MAD1L1: variants seen among roughly 807,000 people sequenced by gnomAD.
MAD1L1 encodes the protein mitotic arrest deficient 1 like 1, also known as mitotic spindle assembly checkpoint protein MAD1.
In MAD1L1, 95 loss-of-function variants were observed where a neutral mutation model predicts 96.9. The observed-to-expected ratio is 0.98, with a 90% CI of 0.83 to 1.16. The LOEUF (loss-of-function observed/expected upper bound fraction) is 1.16. Ranked by LOEUF, MAD1L1 falls within the 50% of genes most tolerant of loss-of-function variation. The pLI is 0.00. For synonymous variants in MAD1L1, 473 were observed against 396.6 expected, an observed-to-expected ratio of 1.19 and a Z score of -2.29; for missense variants, 1,007 against 954.4, an observed-to-expected ratio of 1.06 and a Z score of -0.73.
intron 10 of MAD1L1, among the ~76,000 whole-genome samples, chr7:2,151,634 C>G (rs1789575842): frequency 6.6e-6 from 1 of 152,264 alleles, no homozygotes; most frequent in Non-Finnish European, 1.5e-5. Context: ...ACGAACCCAC[C>G]CAGCAAAGCT....
At chr7:2,144,109 C>A (rs1337507769) in intron 11 of MAD1L1, among the ~76,000 whole-genome samples, 1 of 152,232 alleles carries the variant, frequency 6.6e-6, no homozygotes, top group East Asian at 1.9e-4. Context: ...CCACAGAGCT[C>A]TGGAGACCCA....
At chr7:1,853,607 T>C (rs1169219780) in intron 18 of MAD1L1, among the ~76,000 whole-genome samples, 1 of 152,108 alleles carries the variant, frequency 6.6e-6, no homozygotes, top group African/African-American at 2.4e-5. Flanking sequence ...AGCAGACTGA[T>C]CACCAGCTCA....
intron 3 of MAD1L1, among the ~76,000 whole-genome samples, chr7:2,226,291 A>G (rs1360944592): frequency 1.3e-5 from 2 of 152,226 alleles, no homozygotes; most frequent in Non-Finnish European, 2.9e-5. Flanking sequence ...CCTGGGAGGC[A>G]GTAGGAAGGT....
intron 14 of MAD1L1, among the ~76,000 whole-genome samples, chr7:1,981,606 T>C (rs1780911154): frequency 6.6e-6 from 1 of 151,992 alleles, no homozygotes; most frequent in Admixed American, 6.6e-5. Context: ...CCCAGCTCAC[T>C]CCGTCACGAA....
intron 15 of MAD1L1, among the ~76,000 whole-genome samples, chr7:1,980,178 G>A (rs1780828523): frequency 6.6e-6 from 1 of 152,206 alleles, no homozygotes; most frequent in Admixed American, 6.5e-5. Flanking sequence ...GCACACCTGA[G>A]CGTGCGCACC....
At chr7:2,156,144 C>A (rs902788746) in intron 10 of MAD1L1, among the ~76,000 whole-genome samples, 1 of 149,272 alleles carries the variant, frequency 6.7e-6, no homozygotes, top group Non-Finnish European at 1.5e-5. Context: ...GGTTTCACGG[C>A]GGGTGTGGCG....
At chr7:2,037,422 C>T (rs573939349) in intron 12 of MAD1L1, among the ~76,000 whole-genome samples, 2 of 151,958 alleles carry the variant, frequency 1.3e-5, no homozygotes, top group Non-Finnish European at 2.9e-5. Flanking sequence ...GGCTTGTGGC[C>T]GTCCTGCCTT....
chr7:2,130,840 A>C (rs984821450), intron 11 of MAD1L1, among the ~76,000 whole-genome samples: 2 of 152,218 alleles, frequency 1.3e-5, no homozygotes, highest in African/African-American at 4.8e-5. Flanking sequence ...CTACATCTTC[A>C]GTGCGAATGC....
chr7:2,084,566 T>C (rs756048882), intron 11 of MAD1L1, among the ~76,000 whole-genome samples: 5 of 152,198 alleles, frequency 3.3e-5, no homozygotes, highest in Non-Finnish European at 7.4e-5. Flanking sequence ...CCCAGCTCAG[T>C]GCGGAGTCCT....
chr7:2,175,176 C>T (rs1790888506), intron 10 of MAD1L1: 1 of 152,290 alleles, frequency 6.6e-6, no homozygotes, highest in Non-Finnish European at 1.5e-5. Context: ...CGACCATCGG[C>T]TTTACCGCCT....
intron 10 of MAD1L1, among the ~76,000 whole-genome samples, chr7:2,191,871 A>C (rs1791736592): frequency 6.6e-6 from 1 of 152,062 alleles, no homozygotes; most frequent in South Asian, 2.1e-4. Context: ...TCTCTACTAA[A>C]AATACAAAAA....
At chr7:2,205,912 TC>T (rs1792574963) in intron 10 of MAD1L1, among the ~76,000 whole-genome samples, 1 of 152,150 alleles carries the variant, frequency 6.6e-6, no homozygotes, top group African/African-American at 2.4e-5. Context: ...GGCAGGCAGA[TC>T]ACCTGAGGTC....
intron 10 of MAD1L1, among the ~76,000 whole-genome samples, chr7:2,205,619 G>A (rs941449817): frequency 6.6e-6 from 1 of 152,158 alleles, no homozygotes; most frequent in Non-Finnish European, 1.5e-5. Flanking sequence ...GGAGACAGAT[G>A]TGAGAGTTAT....
intron 12 of MAD1L1, among the ~76,000 whole-genome samples, chr7:2,058,715 A>G (rs1562646329): frequency 8.7e-6 from 1 of 115,470 alleles, no homozygotes; most frequent in African/African-American, 3.4e-5. Context: ...AGGGGAGAGG[A>G]GAGGCGCAGG....
chr7:1,907,665 G>A (rs1231282769), intron 17 of MAD1L1, among the ~76,000 whole-genome samples: 2 of 152,248 alleles, frequency 1.3e-5, no homozygotes, highest in African/African-American at 4.8e-5. Flanking sequence ...CTCCCTGGGT[G>A]TGGCAGGAGT....
chr7:2,121,120 G>A (rs753563099), intron 11 of MAD1L1, among the ~76,000 whole-genome samples: 5 of 152,220 alleles, frequency 3.3e-5, no homozygotes, highest in South Asian at 2.1e-4. Flanking sequence ...CAGGCGCCCC[G>A]CCACAGCATT....
intron 10 of MAD1L1, among the ~76,000 whole-genome samples, chr7:2,173,405 A>C (rs1790802504): frequency 6.6e-6 from 1 of 152,226 alleles, no homozygotes; most frequent in African/African-American, 2.4e-5. Context: ...AACCACTCAC[A>C]CTGAGGCCAC....
At chr7:2,173,653 T>A (rs750851807) in intron 10 of MAD1L1, among the ~76,000 whole-genome samples, 4 of 152,202 alleles carry the variant, frequency 2.6e-5, no homozygotes, top group Non-Finnish European at 4.4e-5. Context: ...CTGAGCACCA[T>A]CTGCCCGGGC....
intron 15 of MAD1L1, among the ~76,000 whole-genome samples, chr7:1,960,384 C>T (rs905250468): frequency 6.6e-6 from 1 of 152,060 alleles, no homozygotes; most frequent in East Asian, 1.9e-4. Context: ...AAGGCAGACA[C>T]TCAAACTGGA....
Sources: allele counts gnomAD v4.1 joint callset (sites outside exome capture counted in the v4.1 genomes callset), GRCh38; gene constraint gnomAD v4.1.1; transcripts MANE v1.5; gene names NCBI Gene and HGNC (gene_info 2026-07-23, HGNC 2026-07-21).